GYS2: variants seen among roughly 807,000 people sequenced by gnomAD.
GYS2 encodes the protein glycogen [starch] synthase, liver.
A neutral mutation model predicts 85.6 loss-of-function variants in GYS2; 80 were observed. The ratio of observed to expected loss-of-function variants is 0.93; its 90% CI spans 0.78 to 1.13. The LOEUF is 1.13. GYS2 is among the 50% of genes most tolerant of loss of function. The pLI is 0.00. For missense variants in GYS2, 881 were observed against 854.9 expected (o/e 1.03, Z -0.38); for synonymous variants, 328 against 300.7 (o/e 1.09, Z -0.94).
rs2126887 is a variant in GYS2, at chr12:21,580,187, T to G, written c.303+155A>C. ...TCGGTTTTCACAAGGTGTCTCAAAT[T>G]CAATCCATTTAAAAGCAAGTTCATC... On this transcript the variant is annotated intron_variant, in intron 2 of 15. Coordinates refer to ENST00000261195, the MANE Select transcript of GYS2 (RefSeq NM_021957.4). Among the ~76,000 whole-genome samples, 147,069 of 152,312 alleles carry G rather than the reference T, an allele frequency of 0.97. 71,187 individuals are homozygous for G. Among genetic ancestry groups the G allele is most frequent in the Non-Finnish European group, 1 (67,985 of 68,038 alleles).
intron 1 of GYS2, among the ~76,000 whole-genome samples, chr12:21,603,358 T>A (rs926068750): frequency 6.6e-6 from 1 of 152,110 alleles, no homozygotes; most frequent in African/African-American, 2.4e-5. Context: ...ATTTTATGAA[T>A]GCATACACAC....
intron 7 of GYS2, among the ~76,000 whole-genome samples, chr12:21,561,226 G>T (rs1174144629): frequency 6.6e-6 from 1 of 152,196 alleles, no homozygotes; most frequent in African/African-American, 2.4e-5. Context: ...TCCTATAACA[G>T]GTTAGTGCCA....
chr12:21,586,452 T>TATC (rs1049852855), intron 1 of GYS2, among the ~76,000 whole-genome samples: 5 of 151,882 alleles, frequency 3.3e-5, no homozygotes, highest in African/African-American at 9.7e-5. Flanking sequence ...TCTATCTATC[T>TATC]ATCTATCTAT....
In GYS2 at chr12:21,559,604, T is replaced by G. The variant is rs531183718; in HGVS notation, c.1229+47A>C. On this transcript the variant is annotated intron_variant, in intron 9 of 15. Coordinates refer to ENST00000261195, the MANE Select transcript of GYS2 (RefSeq NM_021957.4). ...TGATGTCTAAATTGTTAAATTTGAA[T>G]AGTGAAACCTTAAGTGATTGAAGTA... 6 of 989,646 alleles carry G rather than the reference T, an allele frequency of 6.1e-6. No homozygotes were observed. The Admixed American group carries it at 1.0e-4, about 17-fold the overall frequency. 61.3% of individuals were successfully genotyped at this position (989,646 alleles called of 1,614,324 possible). A position where few individuals can be genotyped will look rare whatever the true frequency, so the allele number is the denominator to read the frequency against.
At chr12:21,590,162 G>C (rs1021102192) in intron 1 of GYS2, among the ~76,000 whole-genome samples, 1 of 151,996 alleles carries the variant, frequency 6.6e-6, no homozygotes, top group African/African-American at 2.4e-5. Context: ...AACACACCCC[G>C]CACCCCTTCA....
At chr12:21,563,908 C>T (rs2136884278) in intron 5 of GYS2, among the ~76,000 whole-genome samples, 1 of 152,280 alleles carries the variant, frequency 6.6e-6, no homozygotes, top group Middle Eastern at 3.4e-3. Context: ...TATGGGACAC[C>T]TTTTGTGCAT....
In GYS2 at chr12:21,540,568, A is replaced by T; in HGVS notation, c.1651T>A (p.Tyr551Asn). ...HVADPTAYGI[Y>N]IVDRRFRSPD... ...GAACGGAACCGCCTGTCAACGATGT[A>T]AATACCTGAAGAACACAAAAGCCAA... Residue 551 changes from tyrosine (Y) to asparagine (N), a missense_variant, in exon 14 of 16, where the codon TAC becomes AAC. Coordinates refer to ENST00000261195, the MANE Select transcript of GYS2 (RefSeq NM_021957.4). 1 of 1,613,676 alleles carries T rather than the reference A, an allele frequency of 6.2e-7. No homozygotes were observed. The highest frequency in any genetic ancestry group is 8.5e-7 in the Non-Finnish European group (1 of 1,179,588).
intron 15 of GYS2, among the ~76,000 whole-genome samples, chr12:21,537,787 C>T (rs1943927267): frequency 6.6e-6 from 1 of 152,102 alleles, no homozygotes; most frequent in African/African-American, 2.4e-5. Context: ...ATTTGCCCTT[C>T]TACTTGAGAT....
At chr12:21,541,475 A>G (rs114451864) in intron 13 of GYS2, among the ~76,000 whole-genome samples, 1,700 of 151,966 alleles carry the variant, frequency 0.011, 28 homozygotes, top group African/African-American at 0.037. Context: ...TGATAACAAT[A>G]ATAATAATAT....
Position 21,540,484 on chromosome 12 carries a change from G to T in GYS2, c.1735C>A (p.Arg579Ser). The T allele has an allele frequency of 1.2e-6, 2 of 1,613,880 alleles. No individual in the cohort carries two copies. Among genetic ancestry groups the T allele is most frequent in the Non-Finnish European group, 1.7e-6 (2 of 1,179,798 alleles). ...KFLYGFCKQS[R>S]RQRIIQRNRT... ...TTCCTCTGGATAATCCTTTGGCGGC[G>T]TGACTGTTTGCAAAATCCATAGAGA... The change falls in exon 14 of 16, where the codon CGC (arginine) becomes AGC (serine). Residue 579 changes from arginine (R) to serine (S), a missense_variant. Coordinates refer to ENST00000261195, the MANE Select transcript of GYS2 (RefSeq NM_021957.4).
intron 1 of GYS2, 124 bp from the exon 2 acceptor site, chr12:21,580,647 T>A (rs920922025): frequency 3.9e-6 from 3 of 765,680 alleles, no homozygotes; most frequent in Admixed American, 3.9e-5. Flanking sequence ...AAGGATTTAT[T>A]TACCTTTCAA....
Position 21,576,049 on chromosome 12 carries a change from A to G in GYS2, c.312T>C (p.Phe104=). ...AMNKHGCQVH[F]GRWLIEGSPY... ...GACTTCCTTCTATCAGCCATCTTCCAAAATGCACCTGTCATATAAAGAACA... is the reference window on the plus strand; with the variant it reads ...GACTTCCTTCTATCAGCCATCTTCCGAAATGCACCTGTCATATAAAGAACA... The change falls in exon 3 of 16, where the codon TTT becomes TTC. Residue 104 remains phenylalanine, a synonymous_variant. Transcript: ENST00000261195. The G allele has an allele frequency of 6.2e-7, 1 of 1,612,210 alleles. No homozygotes were observed. The highest frequency in any genetic ancestry group is 1.3e-5 in the African/African-American group (1 of 75,032).
chr12:21,559,596 A>G, intron 9 of GYS2, 55 bp downstream of exon 9: 1 of 961,928 alleles, frequency 1.0e-6, no homozygotes. Context: ...TAAATTGTTA[A>G]ATTTGAATAG....
intron 11 of GYS2, among the ~76,000 whole-genome samples, chr12:21,548,820 T>G (rs1944072544): frequency 6.6e-6 from 1 of 151,840 alleles, no homozygotes; most frequent in African/African-American, 2.4e-5. Context: ...TTCCCAGCGC[T>G]TTTTTTTGGT....
At chr12:21,595,796 C>G (rs1944688922) in intron 1 of GYS2, among the ~76,000 whole-genome samples, 2 of 152,028 alleles carry the variant, frequency 1.3e-5, no homozygotes, top group Admixed American at 6.6e-5. Context: ...ATTTATAGAA[C>G]AATTACTAAT....
At chr12:21,572,000 G>T (rs1399990646) in intron 4 of GYS2, among the ~76,000 whole-genome samples, 1 of 133,568 alleles carries the variant, frequency 7.5e-6, no homozygotes, top group Non-Finnish European at 1.6e-5. Context: ...TGGGAGGGGG[G>T]GTGGGGCGGG....
At chr12:21,594,976 A>C (rs542406569) in intron 1 of GYS2, among the ~76,000 whole-genome samples, 1 of 152,222 alleles carries the variant, frequency 6.6e-6, no homozygotes, top group Non-Finnish European at 1.5e-5. Flanking sequence ...AACAAAGGTG[A>C]CAAGAATATA....
At chr12:21,537,820 A>G (rs1048587354) in intron 15 of GYS2, among the ~76,000 whole-genome samples, 2 of 152,202 alleles carry the variant, frequency 1.3e-5, no homozygotes, top group African/African-American at 4.8e-5. Flanking sequence ...TATTTGATAA[A>G]CACACACTGC....
In GYS2 at chr12:21,604,799, G is replaced by A. The variant is rs1035574514; in HGVS notation, c.-207C>T. 6.5e-5 allele frequency: 87 copies of A among 1,347,110 alleles called. No homozygotes were observed. The highest frequency in any genetic ancestry group is 5.8e-4 in the African/African-American group (39 of 67,370). The allele number at this position is 1,347,110 out of a possible 1,614,324, so 83.4% of individuals were successfully genotyped here. A position where few individuals can be genotyped will look rare whatever the true frequency, so the allele number is the denominator to read the frequency against. On this transcript the variant is annotated 5_prime_UTR_variant, in exon 1 of 16. In the 5' UTR this introduces an upstream ATG that the reference lacks. Coordinates refer to ENST00000261195, the MANE Select transcript of GYS2 (RefSeq NM_021957.4). The stretch of plus-strand genomic sequence containing the variant: ...GGAGGAATTCTTCCTCCTCTTTCTC[G>A]TCTTTCTGGGCAGGTATTGTGAGGA...
Sources: allele counts gnomAD v4.1 joint callset (sites outside exome capture counted in the v4.1 genomes callset), GRCh38; gene constraint gnomAD v4.1.1; transcripts MANE v1.5; gene names NCBI Gene and HGNC (gene_info 2026-07-23, HGNC 2026-07-21).